Variants in ATP8A2 observed in about 807,000 individuals in gnomAD.
The protein encoded by ATP8A2 is phospholipid-transporting ATPase IB.
A neutral mutation model predicts 165.6 loss-of-function variants in ATP8A2; 100 were observed. The observed-to-expected ratio is 0.60, with a 90% confidence interval of 0.51 to 0.71. The LOEUF is 0.71. Among genes scored for constraint, ATP8A2 ranks in the 30% least tolerant of loss-of-function variants. The pLI, the probability that ATP8A2 is intolerant of heterozygous loss-of-function variation, is 0.00. For synonymous variants in ATP8A2, 543 were observed against 548.8 expected (o/e 0.99, Z 0.15); for missense variants, 1,227 against 1,479.5 (o/e 0.83, Z 2.80).
chr13:25,976,418 T>G (rs943037920), intron 35 of ATP8A2, among the ~76,000 whole-genome samples: 3 of 152,160 alleles, frequency 2.0e-5, no homozygotes, highest in Admixed American at 6.5e-5. Flanking sequence ...CTGCATCTTC[T>G]TACTTCAGGC....
intron 25 of ATP8A2, among the ~76,000 whole-genome samples, chr13:25,701,641 G>A (rs1044435657): frequency 2.0e-5 from 3 of 151,968 alleles, no homozygotes; most frequent in South Asian, 2.1e-4. Context: ...AAATGAGTCC[G>A]TTGGATTCTC....
At chr13:25,594,479 A>G (rs2138328042) in intron 24 of ATP8A2, among the ~76,000 whole-genome samples, 1 of 152,272 alleles carries the variant, frequency 6.6e-6, no homozygotes, top group East Asian at 1.9e-4. Flanking sequence ...TGGTTACATG[A>G]GTCAGTTCTT....
Position 25,637,365 on chromosome 13 carries a change from G to A in ATP8A2, c.2211+47666G>A, listed in dbSNP as rs537034567. Among the ~76,000 whole-genome samples, 142 of 152,250 alleles carry A rather than the reference G, an allele frequency of 9.3e-4. 1 individual carries two copies. Among genetic ancestry groups the A allele is most frequent in the Non-Finnish European group, 1.4e-3 (98 of 68,008 alleles). On this transcript the variant is annotated intron_variant, in intron 24 of 36. Transcript: ENST00000381655. ...AGGGAATTCCCTTTCCTAGCCAAGG[G>A]AAGCTGTAACAGATGGCACCTGGAA...
intron 24 of ATP8A2, chr13:25,591,314 C>A (rs1463083334): frequency 2.2e-6 from 1 of 456,670 alleles, no homozygotes; most frequent in East Asian, 7.0e-5. Context: ...CTCTCCATTC[C>A]CACACCTACC....
chr13:25,953,540 AAAAAAAG>A lies in ATP8A2; in HGVS notation c.3184-8034_3184-8028del, dbSNP rs1359070288. Among the ~76,000 whole-genome samples the A allele has an allele frequency of 4.9e-5, 7 of 142,004 alleles. No individual in the cohort carries two copies. The highest frequency in any genetic ancestry group is 6.9e-5 in the Admixed American group (1 of 14,404). The allele number at this position is 142,004 out of a possible 152,430, so 93.2% of individuals were successfully genotyped here. On this transcript the variant is annotated intron_variant, in intron 33 of 36. Transcript: ENST00000381655. The surrounding 1 kb of genome is among the most constrained non-coding windows in gnomAD (Gnocchi z 6.7). ...GCCTTTTTAAAAAAAAAAAAAAAAA[AAAAAAAG>A]CAAGGGAAATAGGCAAGACGGCCAA...
chr13:25,766,058 G>A (rs1222835548), intron 25 of ATP8A2, among the ~76,000 whole-genome samples: 1 of 152,208 alleles, frequency 6.6e-6, no homozygotes, highest in Non-Finnish European at 1.5e-5. Flanking sequence ...CAGGCCTGCT[G>A]AGTCCTGTTT....
intron 13 of ATP8A2, 47 bp from the exon 14 acceptor site, chr13:25,558,926 G>T (rs746879075): frequency 7.8e-7 from 1 of 1,288,776 alleles, no homozygotes; most frequent in South Asian, 1.3e-5. Flanking sequence ...GTTGATCTTT[G>T]CATCTCAATA....
intron 24 of ATP8A2, among the ~76,000 whole-genome samples, chr13:25,632,423 G>A (rs1182689455): frequency 3.3e-5 from 5 of 152,120 alleles, no homozygotes; most frequent in African/African-American, 9.7e-5. Flanking sequence ...GAAACCAAGG[G>A]GGTAGGGTGA....
intron 27 of ATP8A2, among the ~76,000 whole-genome samples, chr13:25,803,546 A>G (rs1212329489): frequency 6.6e-6 from 1 of 152,214 alleles, no homozygotes; most frequent in East Asian, 1.9e-4. Flanking sequence ...CAGCCATATA[A>G]TAAGTAAATA....
chr13:25,487,731 T>C (rs554538967), intron 2 of ATP8A2, among the ~76,000 whole-genome samples: 38 of 152,356 alleles, frequency 2.5e-4, no homozygotes, highest in African/African-American at 9.1e-4. Flanking sequence ...GTTTTCTTTT[T>C]GCACTAACCT....
At chr13:25,894,176 G>T (rs1183164071) in intron 33 of ATP8A2, among the ~76,000 whole-genome samples, 1 of 151,978 alleles carries the variant, frequency 6.6e-6, no homozygotes, top group Admixed American at 6.6e-5. Context: ...GGTCTAACAT[G>T]TAAGTCTTTA....
At chr13:25,427,104 G>C (rs2034471870) in intron 1 of ATP8A2, among the ~76,000 whole-genome samples, 1 of 152,194 alleles carries the variant, frequency 6.6e-6, no homozygotes, top group African/African-American at 2.4e-5. Context: ...CCCAACATAG[G>C]AACCAGGCTG....
chr13:25,838,863 C>CT (rs1555275617), intron 29 of ATP8A2, among the ~76,000 whole-genome samples: 3 of 152,132 alleles, frequency 2.0e-5, no homozygotes, highest in Non-Finnish European at 4.4e-5. Context: ...GTTAATAACT[C>CT]TGTCATCACG....
At chr13:25,508,365 G>A (rs2037116238) in intron 2 of ATP8A2, among the ~76,000 whole-genome samples, 1 of 152,102 alleles carries the variant, frequency 6.6e-6, no homozygotes, top group Non-Finnish European at 1.5e-5. Flanking sequence ...CAGTATTCAT[G>A]GACATATGAA....
intron 33 of ATP8A2, among the ~76,000 whole-genome samples, chr13:25,924,010 G>A (rs1011291199): frequency 6.6e-6 from 1 of 152,178 alleles, no homozygotes; most frequent in African/African-American, 2.4e-5. Flanking sequence ...TAGCTGAGAT[G>A]GATGGGGAAA....
chr13:25,654,595 A>G (rs1566018005), intron 24 of ATP8A2, among the ~76,000 whole-genome samples: 1 of 152,174 alleles, frequency 6.6e-6, no homozygotes. Context: ...GACATAAAAT[A>G]TGGGAGTTTC....
chr13:25,376,656 G>A (rs1373810149), intron 1 of ATP8A2, among the ~76,000 whole-genome samples: 1 of 152,136 alleles, frequency 6.6e-6, no homozygotes, highest in Non-Finnish European at 1.5e-5. Context: ...AGATGATATC[G>A]ACAACATGTT....
At chr13:25,707,800 GCACAAGTTCCCCTC>G (rs2043083097) in intron 25 of ATP8A2, among the ~76,000 whole-genome samples, 1 of 152,084 alleles carries the variant, frequency 6.6e-6, no homozygotes, top group Non-Finnish European at 1.5e-5. Context: ...GATTTACATG[GCACAAGTTCCCCTC>G]CACTGAGTAC....
intron 24 of ATP8A2, among the ~76,000 whole-genome samples, chr13:25,634,908 C>T (rs949796340): frequency 1.4e-4 from 21 of 152,184 alleles, no homozygotes; most frequent in African/African-American, 1.4e-4. Context: ...GTTTAGAAAC[C>T]GTAAGAACAA....
Sources: gnomAD v4.1 joint callset for allele counts (sites outside exome capture counted in the v4.1 genomes callset) on GRCh38, gnomAD v4.1.1 for gene constraint, Gnocchi (gnomAD v3.1) non-coding constraint, MANE v1.5 for transcripts, NCBI Gene and HGNC (gene_info 2026-07-23, HGNC 2026-07-21) for gene names.